CHURC1: variants seen among roughly 807,000 people sequenced by gnomAD.
The protein encoded by CHURC1 is churchill domain containing 1, also known as protein Churchill.
In CHURC1, 12 loss-of-function variants were observed where a neutral mutation model predicts 15.4. The ratio of observed to expected loss-of-function variants is 0.78; its 90% CI spans 0.50 to 1.27. The LOEUF (loss-of-function observed/expected upper bound fraction) is 1.27, where lower values mean the gene tolerates loss of function less well. Ranked by LOEUF, CHURC1 falls within the 50% of genes most tolerant of loss-of-function variation. CHURC1 has a pLI of 0.00. For synonymous variants in CHURC1, 42 were observed against 47.5 expected (o/e 0.88, Z 0.48); for missense variants, 132 against 137.8 (o/e 0.96, Z 0.21).
rs569367693 is a variant in CHURC1, at chr14:64,917,617, G to A, written c.39+3083G>A. Among the ~76,000 whole-genome samples the A allele has an allele frequency of 2.6e-5, 4 of 152,088 alleles. No individual in the cohort carries two copies. The South Asian group carries it at 8.3e-4, about 32-fold the overall frequency. ...ACCACAAATATTAGCCAAGCGTGGT[G>A]GCATGCACCTGTAGTCCTAGCTACT... On this transcript the variant is annotated intron_variant, in intron 1 of 3. Coordinates refer to ENST00000549115, the MANE Select transcript of CHURC1 (RefSeq NM_001386928.1).
rs35743220 is a variant in CHURC1, at chr14:64,934,027, C to CA, written c.*1804dup. The CA allele has an allele frequency of 0.21, 209,794 of 984,190 alleles. 23,942 individuals carry two copies. The highest frequency in any genetic ancestry group is 0.41 in the African/African-American group (23,413 of 57,160). The allele number at this position is 984,190 out of a possible 1,614,324, so 61.0% of individuals were successfully genotyped here. A position where few individuals can be genotyped will look rare whatever the true frequency, so the allele number is the denominator to read the frequency against. On this transcript the variant is annotated 3_prime_UTR_variant, in exon 4 of 4. Coordinates refer to ENST00000549115, the MANE Select transcript of CHURC1 (RefSeq NM_001386928.1). ...TATTTCAGTGTAGCACTTTTAGAGCCAAAAAAACTCAGGCACAAAGAAGTT... is the reference window on the plus strand; with the variant it reads ...TATTTCAGTGTAGCACTTTTAGAGCCAAAAAAAACTCAGGCACAAAGAAGTT...
In CHURC1 at chr14:64,934,012, T is replaced by C; in HGVS notation, c.*1782T>C. The C allele has an allele frequency of 1.0e-6, 1 of 977,560 alleles. No homozygotes were observed. Among genetic ancestry groups the C allele is most frequent in the Non-Finnish European group, 1.2e-6 (1 of 828,352 alleles). The allele number at this position is 977,560 out of a possible 1,614,324, so 60.6% of individuals were successfully genotyped here. The stretch of plus-strand genomic sequence containing the variant: ...ATATTCACTATTCTTTATTTCAGTG[T>C]AGCACTTTTAGAGCCAAAAAAACTC... On this transcript the variant is annotated 3_prime_UTR_variant, in exon 4 of 4. Coordinates refer to ENST00000549115, the MANE Select transcript of CHURC1 (RefSeq NM_001386928.1).
intron 3 of CHURC1, among the ~76,000 whole-genome samples, chr14:64,931,734 A>G (rs984754220): frequency 1.3e-5 from 2 of 152,336 alleles, no homozygotes. Flanking sequence ...GTAGATAAAA[A>G]TAGCTTTTTC....
At chr14:64,928,650 C>A (rs959746039) in intron 3 of CHURC1, among the ~76,000 whole-genome samples, 1 of 151,788 alleles carries the variant, frequency 6.6e-6, no homozygotes, top group African/African-American at 2.4e-5. Flanking sequence ...TTCTCTCATA[C>A]GTTTCCTATA....
intron 1 of CHURC1, among the ~76,000 whole-genome samples, chr14:64,920,383 T>C (rs1441272441): frequency 1.3e-5 from 2 of 152,342 alleles, no homozygotes; most frequent in South Asian, 2.1e-4. Flanking sequence ...CCACCTATTA[T>C]GGGAGCCTGA....
At position 64,935,004 on chromosome 14, in the gene CHURC1, T is replaced by C. The variant is rs572913427; in HGVS notation, c.*2774T>C. On this transcript the variant is annotated 3_prime_UTR_variant, in exon 4 of 4. Transcript: ENST00000549115. The stretch of plus-strand genomic sequence containing the variant: ...ACCACTTGAACCCAGTTTCACAGAA[T>C]CCTTATTTTTCTGTTCAAATTAGGA... 38 of 983,896 alleles carry C rather than the reference T, an allele frequency of 3.9e-5. No homozygotes were observed. The South Asian group carries it at 1.6e-3, about 40-fold the overall frequency. The allele number at this position is 983,896 out of a possible 1,614,324, so 60.9% of individuals were successfully genotyped here.
At chr14:64,921,726 T>C (rs1012595218) in intron 1 of CHURC1, among the ~76,000 whole-genome samples, 5 of 152,250 alleles carry the variant, frequency 3.3e-5, no homozygotes, top group Admixed American at 1.3e-4. Flanking sequence ...GAAAACCATT[T>C]GGCAGTTTCT....
rs140417399 is a variant in CHURC1 at position 64,915,034 on chromosome 14, T to C, written c.39+500T>C. Among the ~76,000 whole-genome samples, 303 of 152,374 alleles carry C rather than the reference T, an allele frequency of 2.0e-3. 2 individuals carry two copies. Among genetic ancestry groups the C allele is most frequent in the African/African-American group, 6.9e-3 (285 of 41,592 alleles). ...GACTAGAATTTAGGTTTCCTGCCTGTTACCGCCTTCTGAATCTCAGTTACT... is the reference window on the plus strand; with the variant it reads ...GACTAGAATTTAGGTTTCCTGCCTGCTACCGCCTTCTGAATCTCAGTTACT... On this transcript the variant is annotated intron_variant, in intron 1 of 3. Transcript: ENST00000549115.
chr14:64,930,763 A>C (rs1566832030), intron 3 of CHURC1: 2 of 435,380 alleles, frequency 4.6e-6, no homozygotes, highest in Non-Finnish European at 4.5e-6. Flanking sequence ...TCTCTTTTTG[A>C]CTCTTTACTT....
Position 64,933,416 on chromosome 14 carries a change from A to C in CHURC1, c.*1186A>C, listed in dbSNP as rs1242256574. ...GGGATTTTAGAATATCTTACTTTGC[A>C]TAGTTTCATGAGCACTGGCCAGGAG... On this transcript the variant is annotated 3_prime_UTR_variant, in exon 4 of 4. Coordinates refer to ENST00000549115, the MANE Select transcript of CHURC1 (RefSeq NM_001386928.1). 5.1e-6 allele frequency: 5 copies of C among 985,372 alleles called. No individual in the cohort carries two copies. The African/African-American group carries it at 8.7e-5, about 17-fold the overall frequency. The allele number at this position is 985,372 out of a possible 1,614,324, so 61.0% of individuals were successfully genotyped here.
chr14:64,926,524 AT>A (rs140734238), intron 3 of CHURC1, among the ~76,000 whole-genome samples: 1 of 152,240 alleles, frequency 6.6e-6, no homozygotes, highest in East Asian at 1.9e-4. Flanking sequence ...TGAGATTACC[AT>A]TGTGCTGCTT....
At position 64,932,270 on chromosome 14, in the gene CHURC1, T is replaced by A. The variant is rs1260162270; in HGVS notation, c.*40T>A. The A allele has an allele frequency of 6.2e-7, 1 of 1,604,032 alleles. No individual in the cohort carries two copies. Among genetic ancestry groups the A allele is most frequent in the Non-Finnish European group, 8.5e-7 (1 of 1,174,372 alleles). ...ATCTGTTATAACTATATTGTGTTGG[T>A]TTACAATACAGCAAGCCTGATGGTT... On this transcript the variant is annotated 3_prime_UTR_variant, in exon 4 of 4. Coordinates refer to ENST00000549115, the MANE Select transcript of CHURC1 (RefSeq NM_001386928.1).
At position 64,926,430 on chromosome 14, in the gene CHURC1, C is replaced by G. The variant is rs180850307; in HGVS notation, c.246+350C>G. Among the ~76,000 whole-genome samples the G allele has an allele frequency of 8.3e-4, 127 of 152,258 alleles. 3 individuals are homozygous for G. The South Asian group carries it at 0.02, about 24-fold the overall frequency. The stretch of plus-strand genomic sequence containing the variant: ...TGTAAACCTGTCTTCACGAGAATCA[C>G]AAATCAAAATGTGTAGTTTACAAAT... On this transcript the variant is annotated intron_variant, in intron 3 of 3. Coordinates refer to ENST00000549115, the MANE Select transcript of CHURC1 (RefSeq NM_001386928.1).
intron 1 of CHURC1, among the ~76,000 whole-genome samples, chr14:64,918,154 C>A (rs1884020949): frequency 1.3e-5 from 2 of 152,148 alleles, no homozygotes; most frequent in Admixed American, 6.5e-5. Context: ...ATTGGAAAAC[C>A]AGGAGAGTGC....
chr14:64,930,140 C>A (rs1183185859), intron 3 of CHURC1, among the ~76,000 whole-genome samples: 1 of 151,764 alleles, frequency 6.6e-6, no homozygotes, highest in Non-Finnish European at 1.5e-5. Flanking sequence ...AAGATCTGGT[C>A]TTACTCAGAG....
At chr14:64,925,417 A>G (rs891518941) in intron 2 of CHURC1, among the ~76,000 whole-genome samples, 3 of 152,178 alleles carry the variant, frequency 2.0e-5, no homozygotes, top group Admixed American at 6.5e-5. Context: ...TCACGCCTAT[A>G]ATCCTAGGAC....
chr14:64,915,052 CAGTT>C (rs1883772169), intron 1 of CHURC1, among the ~76,000 whole-genome samples: 1 of 152,234 alleles, frequency 6.6e-6, no homozygotes, highest in Admixed American at 6.5e-5. Flanking sequence ...TTCTGAATCT[CAGTT>C]ACTTTCAGGT....
intron 1 of CHURC1, among the ~76,000 whole-genome samples, chr14:64,920,066 T>G (rs962898201): frequency 2.0e-5 from 3 of 152,134 alleles, no homozygotes; most frequent in African/African-American, 4.8e-5. Context: ...AAACATTCCC[T>G]GGCAAAATAT....
chr14:64,914,485 A>T lies in CHURC1; in HGVS notation c.-11A>T. On this transcript the variant is annotated 5_prime_UTR_variant, in exon 1 of 4. Coordinates refer to ENST00000549115, the MANE Select transcript of CHURC1 (RefSeq NM_001386928.1). ...AAGCGTTGGAGGACATTCCCTGTTGACTGCGTCGCGATGTGTGGCGACTGT... is the reference window on the plus strand; with the variant it reads ...AAGCGTTGGAGGACATTCCCTGTTGTCTGCGTCGCGATGTGTGGCGACTGT... The T allele has an allele frequency of 6.2e-7, 1 of 1,614,260 alleles. No individual in the cohort carries two copies. The highest frequency in any genetic ancestry group is 1.1e-5 in the South Asian group (1 of 91,092).
Sources: allele counts gnomAD v4.1 joint callset (sites outside exome capture counted in the v4.1 genomes callset), GRCh38; gene constraint gnomAD v4.1.1; transcripts MANE v1.5; gene names NCBI Gene and HGNC (gene_info 2026-07-23, HGNC 2026-07-21).